The following XPNPEP1 variants were observed in gnomAD, a reference collection of about 807,000 sequenced individuals.
XPNPEP1 encodes X-prolyl aminopeptidase 1, also known as xaa-Pro aminopeptidase 1.
A neutral mutation model predicts 92.4 loss-of-function variants in XPNPEP1; 39 were observed. The observed-to-expected ratio is 0.42, with a 90% CI of 0.33 to 0.55. The LOEUF (loss-of-function observed/expected upper bound fraction) is 0.55, where lower values mean the gene tolerates loss of function less well. Ranked by LOEUF, XPNPEP1 falls within the 20% of genes least tolerant of loss-of-function variation. XPNPEP1 has a pLI of 0.08. For missense variants in XPNPEP1, 654 were observed against 856.1 expected (o/e 0.76, Z 2.95); for synonymous variants, 307 against 299.4 (o/e 1.03, Z -0.26).
intron 4 of XPNPEP1, among the ~76,000 whole-genome samples, chr10:109,892,300 T>C (rs898512510): frequency 6.6e-6 from 1 of 152,190 alleles, no homozygotes; most frequent in Non-Finnish European, 1.5e-5. Context: ...AGCAGGAAGC[T>C]TATGCCTCCT....
intron 8 of XPNPEP1, chr10:109,884,620 T>C (rs958868615): frequency 1.3e-5 from 2 of 152,820 alleles, no homozygotes; most frequent in African/African-American, 4.8e-5. Context: ...TAAGGGTCAG[T>C]GAGCCCCATG....
chr10:109,902,714 T>C (rs1485751418), intron 3 of XPNPEP1, among the ~76,000 whole-genome samples: 1 of 152,238 alleles, frequency 6.6e-6, no homozygotes, highest in Admixed American at 6.5e-5. Context: ...GTCTAAACAG[T>C]GACTTCTGCA....
At chr10:109,910,532 G>A (rs1184451693) in intron 2 of XPNPEP1, among the ~76,000 whole-genome samples, 2 of 145,398 alleles carry the variant, frequency 1.4e-5, no homozygotes, top group Non-Finnish European at 3.0e-5. Flanking sequence ...CAACAAAAGC[G>A]AAACTCTGTC....
chr10:109,910,957 C>T (rs951042424), intron 2 of XPNPEP1, among the ~76,000 whole-genome samples: 1 of 152,220 alleles, frequency 6.6e-6, no homozygotes, highest in African/African-American at 2.4e-5. Flanking sequence ...GGCATAGGTC[C>T]TTTTTGGATC....
At position 109,875,590 on chromosome 10, in the gene XPNPEP1, A is replaced by G. The variant is rs1847741819; in HGVS notation, c.1329T>C (p.Pro443=). ...CCAGGGACAAGGTCCTATTCGTCTC[A>G]GGGACTGGCCTAACAAAGTTAATTA... ...NGAIIHYAPV[P]ETNRTLSLDE... The change falls in exon 15 of 21, where the codon CCT becomes CCC. Residue 443 remains proline (P), a synonymous_variant. Coordinates refer to ENST00000502935, the MANE Select transcript of XPNPEP1 (RefSeq NM_020383.4). The G allele has an allele frequency of 6.2e-7, 1 of 1,613,964 alleles. No homozygotes were observed. Among genetic ancestry groups the G allele is most frequent in the Admixed American group, 1.7e-5 (1 of 60,012 alleles).
At chr10:109,918,600 A>C (rs1850319162) in intron 1 of XPNPEP1, among the ~76,000 whole-genome samples, 1 of 151,958 alleles carries the variant, frequency 6.6e-6, no homozygotes, top group South Asian at 2.1e-4. Flanking sequence ...TCTCTACTAA[A>C]AATACAAAAA....
chr10:109,903,665 G>GA (rs1849404014), intron 3 of XPNPEP1, among the ~76,000 whole-genome samples: 1 of 152,044 alleles, frequency 6.6e-6, no homozygotes, highest in Non-Finnish European at 1.5e-5. Context: ...CCAAAGAAAA[G>GA]AAAAAACAAA....
Position 109,882,707 on chromosome 10 carries a change from G to A in XPNPEP1, c.831-65C>T, listed in dbSNP as rs1848174408. On this transcript the variant is annotated intron_variant, in intron 9 of 20. Transcript: ENST00000502935. The stretch of plus-strand genomic sequence containing the variant: ...AACATGAGTGAGAGGTGGCAACACA[G>A]ACACACATACACATCAGGCTCTGTT... 4.0e-5 allele frequency: 61 copies of A among 1,539,686 alleles called. 1 individual carries two copies. The South Asian group carries it at 6.3e-4, about 16-fold the overall frequency.
rs1847058802 is a variant in XPNPEP1 at position 109,865,093 on chromosome 10, A to C, written c.*91T>G. 6.4e-7 allele frequency: 1 copy of C among 1,565,144 alleles called. No individual in the cohort carries two copies. The highest frequency in any genetic ancestry group is 1.4e-5 in the African/African-American group (1 of 73,634). On this transcript the variant is annotated 3_prime_UTR_variant, in exon 21 of 21. Transcript: ENST00000502935. ...AAAGTAAAAAGGGGAGGTAGGGAAG[A>C]AGGAAAGGAAAGGGGAAAGATGTCA...
chr10:109,892,993 A>G lies in XPNPEP1; in HGVS notation c.310+19T>C. On this transcript the variant is annotated intron_variant, in intron 4 of 20. Transcript: ENST00000502935. ...GCGAACAAAGGTGCAGCAAGAACAG[A>G]GAAAAAGTAGTGACTCACCCGCAGA... 6.2e-7 allele frequency: 1 copy of G among 1,612,752 alleles called. No individual in the cohort carries two copies. The highest frequency in any genetic ancestry group is 8.5e-7 in the Non-Finnish European group (1 of 1,179,294).
chr10:109,888,607 A>G lies in XPNPEP1; in HGVS notation c.416-12T>C, dbSNP rs1409727256. 1 of 1,582,808 alleles carries G rather than the reference A, an allele frequency of 6.3e-7. No individual in the cohort carries two copies. The highest frequency in any genetic ancestry group is 8.6e-7 in the Non-Finnish European group (1 of 1,161,636). ...TGTGTCCTTCAGACCTACAGGGGGA[A>G]GAAATGATAAGAAACAATTCCCAGT... On this transcript the variant is annotated splice_polypyrimidine_tract_variant and intron_variant, in intron 5 of 20. Coordinates refer to ENST00000502935, the MANE Select transcript of XPNPEP1 (RefSeq NM_020383.4).
intron 1 of XPNPEP1, among the ~76,000 whole-genome samples, chr10:109,918,895 GGAAGGAAGGAA>G (rs1850361730): frequency 1.2e-5 from 1 of 86,750 alleles, no homozygotes; most frequent in Non-Finnish European, 3.0e-5. Context: ...AAGGAAGGAA[GGAAGGAAGGAA>G]GGAAGGAAGG....
At chr10:109,901,636 T>C (rs540632119) in intron 3 of XPNPEP1, among the ~76,000 whole-genome samples, 1 of 152,244 alleles carries the variant, frequency 6.6e-6, no homozygotes, top group Non-Finnish European at 1.5e-5. Flanking sequence ...AATGTGGCTA[T>C]TGTGACTGAG....
intron 1 of XPNPEP1, among the ~76,000 whole-genome samples, chr10:109,917,508 G>C (rs1850256903): frequency 6.6e-6 from 1 of 152,202 alleles, no homozygotes; most frequent in Non-Finnish European, 1.5e-5. Flanking sequence ...CTATTCCATG[G>C]TCATGGATTG....
At chr10:109,884,042 T>C in intron 9 of XPNPEP1, 25 bp downstream of exon 9, 1 of 1,606,686 alleles carries the variant, frequency 6.2e-7, no homozygotes. Context: ...TGGAAGGGAG[T>C]TCCAGATGCA....
At position 109,897,161 on chromosome 10, in the gene XPNPEP1, A is replaced by AG. The variant is rs1849033371; in HGVS notation, c.247-4087dup. ...TGTTGCTAACCTTCAATATTTCAGA[A>AG]GAAGCCAGAAATATGGGTTCATGAG... is the stretch of plus-strand genomic sequence containing the variant. On this transcript the variant is annotated intron_variant, in intron 3 of 20. Coordinates refer to ENST00000502935, the MANE Select transcript of XPNPEP1 (RefSeq NM_020383.4). Among the ~76,000 whole-genome samples the AG allele has an allele frequency of 2.0e-5, 3 of 152,340 alleles. No individual in the cohort carries two copies. The South Asian group carries it at 6.2e-4, about 32-fold the overall frequency.
At chr10:109,898,466 T>C (rs1460015243) in intron 3 of XPNPEP1, among the ~76,000 whole-genome samples, 1 of 152,224 alleles carries the variant, frequency 6.6e-6, no homozygotes. Flanking sequence ...GTATTTGCTA[T>C]AGTTTAAAGG....
intron 1 of XPNPEP1, among the ~76,000 whole-genome samples, chr10:109,915,715 T>C (rs1850148505): frequency 1.3e-5 from 2 of 152,248 alleles, no homozygotes. Flanking sequence ...GACTTTCACA[T>C]TAATTTATTA....
intron 15 of XPNPEP1, among the ~76,000 whole-genome samples, chr10:109,875,016 C>G (rs998838958): frequency 2.0e-5 from 3 of 152,148 alleles, no homozygotes; most frequent in African/African-American, 7.2e-5. Context: ...CTTTTGGGTT[C>G]CGTATCAAGA....
Sources: gnomAD v4.1 joint callset for allele counts (sites outside exome capture counted in the v4.1 genomes callset) on GRCh38, gnomAD v4.1.1 for gene constraint, MANE v1.5 for transcripts, NCBI Gene and HGNC (gene_info 2026-07-23, HGNC 2026-07-21) for gene names.